The following PKIB variants were observed in gnomAD, a reference collection of about 807,000 sequenced individuals.
PKIB encodes cAMP-dependent protein kinase inhibitor beta.
In PKIB, 2 loss-of-function variants were observed where a neutral mutation model predicts 4.5. The ratio of observed to expected loss-of-function variants is 0.44; its 90% CI spans 0.18 to 1.39. The LOEUF is 1.39. Among genes scored for constraint, PKIB ranks in the 40% most tolerant of loss-of-function variants. The pLI, the probability that PKIB is intolerant of heterozygous loss-of-function variation, is 0.27. For missense variants in PKIB, 94 were observed against 92.6 expected, an observed-to-expected ratio of 1.02 and a Z score of -0.06; for synonymous variants, 38 against 36.0, an observed-to-expected ratio of 1.06 and a Z score of -0.20.
chr6:122,472,858 A>G (rs2114500264), intron 1 of PKIB, among the ~76,000 whole-genome samples: 1 of 152,314 alleles, frequency 6.6e-6, no homozygotes, highest in East Asian at 1.9e-4. Flanking sequence ...AATGCTTGTA[A>G]TCCCAGAACT....
At chr6:122,560,254 A>T (rs1461021153) in intron 2 of PKIB, among the ~76,000 whole-genome samples, 2 of 151,278 alleles carry the variant, frequency 1.3e-5, no homozygotes, top group African/African-American at 2.4e-5. Context: ...GTCACAAGAG[A>T]TGTTGGATTT....
chr6:122,515,721 G>A (rs1776727475), intron 2 of PKIB, among the ~76,000 whole-genome samples: 1 of 152,090 alleles, frequency 6.6e-6, no homozygotes, highest in South Asian at 2.1e-4. Flanking sequence ...TGAGTTGTTT[G>A]TTTGTTTGTT....
intron 3 of PKIB, among the ~76,000 whole-genome samples, chr6:122,714,192 A>G (rs1001977213): frequency 6.6e-6 from 1 of 152,168 alleles, no homozygotes; most frequent in Non-Finnish European, 1.5e-5. Context: ...AGAAAGTGCC[A>G]TCTTCCTACA....
intron 3 of PKIB, among the ~76,000 whole-genome samples, chr6:122,595,648 G>A (rs1195873939): frequency 6.6e-6 from 1 of 152,190 alleles, no homozygotes; most frequent in Non-Finnish European, 1.5e-5. Context: ...TCACCCTGAG[G>A]AATGGTGCCA....
chr6:122,512,609 TC>T (rs945632960), intron 2 of PKIB, among the ~76,000 whole-genome samples: 8 of 152,218 alleles, frequency 5.3e-5, no homozygotes, highest in African/African-American at 1.9e-4. Context: ...TACCAGCTGC[TC>T]CTTTGGACAA....
chr6:122,666,947 AAT>A (rs943766026), intron 2 of PKIB, among the ~76,000 whole-genome samples: 4 of 140,704 alleles, frequency 2.8e-5, no homozygotes, highest in African/African-American at 1.0e-4. Flanking sequence ...CAATGGTACT[AAT>A]ATTTTTTTTT....
upstream of PKIB, among the ~76,000 whole-genome samples, chr6:122,609,661 G>A (rs760920185): frequency 1.3e-5 from 2 of 152,310 alleles, no homozygotes; most frequent in Middle Eastern, 6.8e-3. Context: ...AGACTTCAGT[G>A]AGAAACCACT....
At chr6:122,617,701 A>G (rs1362300522) in intron 1 of PKIB, among the ~76,000 whole-genome samples, 1 of 152,172 alleles carries the variant, frequency 6.6e-6, no homozygotes, top group African/African-American at 2.4e-5. Flanking sequence ...TTGTTTTAAT[A>G]TGACTCATCT....
At chr6:122,585,004 T>C (rs1176823897) in intron 2 of PKIB, among the ~76,000 whole-genome samples, 1 of 152,112 alleles carries the variant, frequency 6.6e-6, no homozygotes, top group Non-Finnish European at 1.5e-5. Context: ...AAGTTACCAC[T>C]CTTTTTCTAG....
At chr6:122,665,521 A>G (rs779842613) in intron 2 of PKIB, among the ~76,000 whole-genome samples, 1 of 152,184 alleles carries the variant, frequency 6.6e-6, no homozygotes, top group Non-Finnish European at 1.5e-5. Context: ...TTTTTCTAGG[A>G]TATAGAAGAA....
At chr6:122,502,624 A>G (rs540516450) in intron 2 of PKIB, among the ~76,000 whole-genome samples, 4 of 152,144 alleles carry the variant, frequency 2.6e-5, no homozygotes, top group Admixed American at 6.5e-5. Flanking sequence ...CCATGATTCA[A>G]TCACCTCCCA....
chr6:122,722,971 T>TGCAC lies in PKIB; in HGVS notation c.170-2155_170-2152dup, dbSNP rs149295935. On this transcript the variant is annotated intron_variant, in intron 4 of 4. Transcript: ENST00000368452. ...AGTGGTTCATTCTTAGCCATCCTCTTGCACGATCTCTTAGTCACAGATGAT... is the reference window on the plus strand; with the variant it reads ...AGTGGTTCATTCTTAGCCATCCTCTTGCACGCACGATCTCTTAGTCACAGATGAT... Among the ~76,000 whole-genome samples the TGCAC allele has an allele frequency of 6.1e-3, 934 of 152,294 alleles. 16 individuals are homozygous for TGCAC. Among genetic ancestry groups the TGCAC allele is most frequent in the African/African-American group, 0.022 (896 of 41,556 alleles).
chr6:122,703,941 T>TATAGAG (rs1314978431), intron 3 of PKIB, among the ~76,000 whole-genome samples: 101 of 90,772 alleles, frequency 1.1e-3, no homozygotes, highest in African/African-American at 1.4e-3. Flanking sequence ...TATATATATA[T>TATAGAG]AGAGAGAGAG....
At chr6:122,492,931 A>G (rs762329169) in intron 2 of PKIB, among the ~76,000 whole-genome samples, 1 of 152,106 alleles carries the variant, frequency 6.6e-6, no homozygotes, top group Non-Finnish European at 1.5e-5. Flanking sequence ...CATTTTAGTC[A>G]GAAGATATGA....
At chr6:122,487,117 A>C (rs1775790171) in intron 2 of PKIB, among the ~76,000 whole-genome samples, 1 of 152,224 alleles carries the variant, frequency 6.6e-6, no homozygotes, top group Admixed American at 6.5e-5. Flanking sequence ...TACATTGAAC[A>C]TATTCACATT....
intron 3 of PKIB, among the ~76,000 whole-genome samples, chr6:122,691,349 TC>T (rs1190011802): frequency 1.3e-5 from 2 of 152,148 alleles, no homozygotes; most frequent in Non-Finnish European, 1.5e-5. Flanking sequence ...ATTTTCTAGA[TC>T]TTGTATGAGT....
At chr6:122,489,243 AT>A (rs1775869727) in intron 2 of PKIB, among the ~76,000 whole-genome samples, 4 of 86,980 alleles carry the variant, frequency 4.6e-5, no homozygotes, top group Admixed American at 1.3e-4. Context: ...TATTATTATT[AT>A]TATTGTTATT....
intron 2 of PKIB, among the ~76,000 whole-genome samples, chr6:122,558,006 A>G (rs1310000768): frequency 1.3e-5 from 2 of 152,174 alleles, no homozygotes; most frequent in Non-Finnish European, 2.9e-5. Flanking sequence ...ATGTTAACAC[A>G]AGAGGTGAAC....
chr6:122,599,727 G>A (rs1582726379), intron 3 of PKIB, among the ~76,000 whole-genome samples: 1 of 152,254 alleles, frequency 6.6e-6, no homozygotes, highest in Middle Eastern at 3.4e-3. Context: ...CAGTGAATCA[G>A]GAGTGTCAAA....
Sources: gnomAD v4.1 joint callset for allele counts (sites outside exome capture counted in the v4.1 genomes callset) on GRCh38, gnomAD v4.1.1 for gene constraint, MANE v1.5 for transcripts, NCBI Gene and HGNC (gene_info 2026-07-23, HGNC 2026-07-21) for gene names.